The following RNF43 variants were observed in gnomAD, a reference collection of about 807,000 sequenced individuals.
RNF43 encodes the protein ring finger protein 43.
A neutral mutation model predicts 78.4 loss-of-function variants in RNF43; 37 were observed. The observed-to-expected ratio is 0.47, with a 90% confidence interval of 0.36 to 0.62. RNF43 has a LOEUF of 0.62. Among genes scored for constraint, RNF43 ranks in the 20% least tolerant of loss-of-function variants. The probability of loss-of-function intolerance (pLI) is 0.00; values close to 1 mark genes in which losing one functional copy is unlikely to be tolerated. For missense variants in RNF43, 774 were observed against 1,007.9 expected, an observed-to-expected ratio of 0.77 and a Z score of 3.14; for synonymous variants, 347 against 395.0, an observed-to-expected ratio of 0.88 and a Z score of 1.44.
intron 2 of RNF43, chr17:58,402,601 G>A (rs1338243412): frequency 6.6e-6 from 1 of 152,172 alleles, no homozygotes; most frequent in Non-Finnish European, 1.5e-5. Context: ...ATGCCCCAAA[G>A]TGTAAGAACC....
At chr17:58,414,697 T>G (rs569183559) in intron 2 of RNF43, among the ~76,000 whole-genome samples, 13 of 152,268 alleles carry the variant, frequency 8.5e-5, no homozygotes, top group African/African-American at 2.9e-4. Flanking sequence ...CATGTTAAAT[T>G]TAAATTCCTG....
chr17:58,409,535 G>C (rs1452397284), intron 2 of RNF43, among the ~76,000 whole-genome samples: 3 of 152,150 alleles, frequency 2.0e-5, no homozygotes, highest in Non-Finnish European at 2.9e-5. Flanking sequence ...GCAAAACCAT[G>C]ATCTCCAGGA....
chr17:58,400,115 C>T (rs73993666), intron 2 of RNF43, among the ~76,000 whole-genome samples: 3 of 152,100 alleles, frequency 2.0e-5, no homozygotes, highest in Non-Finnish European at 2.9e-5. Context: ...GTTACCAGTA[C>T]GGAACAGGCA....
At chr17:58,380,837 T>C (rs1407114148) in intron 2 of RNF43, among the ~76,000 whole-genome samples, 2 of 152,184 alleles carry the variant, frequency 1.3e-5, no homozygotes, top group Non-Finnish European at 2.9e-5. Context: ...GCTCAGAGGC[T>C]GTAGGGATTT....
intron 2 of RNF43, among the ~76,000 whole-genome samples, chr17:58,391,321 C>T (rs572133939): frequency 6.6e-6 from 1 of 152,330 alleles, no homozygotes; most frequent in South Asian, 2.1e-4. Flanking sequence ...CCCACCTCTC[C>T]ACCACTACCC....
At chr17:58,386,436 C>CAA (rs1209382667) in intron 2 of RNF43, among the ~76,000 whole-genome samples, 2 of 152,012 alleles carry the variant, frequency 1.3e-5, no homozygotes, top group Middle Eastern at 3.2e-3. Flanking sequence ...AAAAACAAAA[C>CAA]AAAACAAACA....
chr17:58,355,112 A>AG, intron 9 of RNF43, 126 bp from the exon 10 acceptor site: 1 of 870,902 alleles, frequency 1.1e-6, no homozygotes, highest in Non-Finnish European at 1.9e-6. Flanking sequence ...CTGTCTGGAA[A>AG]GGGTGGTTAG....
chr17:58,377,028 A>G (rs1204856077), intron 2 of RNF43, among the ~76,000 whole-genome samples: 1 of 146,392 alleles, frequency 6.8e-6, no homozygotes, highest in Admixed American at 7.0e-5. Flanking sequence ...TCCTGAGTCT[A>G]TTCTCCCTGT....
At chr17:58,372,945 A>G (rs1465407052) in intron 2 of RNF43, among the ~76,000 whole-genome samples, 2 of 152,238 alleles carry the variant, frequency 1.3e-5, no homozygotes, top group African/African-American at 4.8e-5. Context: ...AAGGCAGGAC[A>G]TAAGGCTGGA....
At chr17:58,362,981 A>G (rs1269469109) in intron 5 of RNF43, among the ~76,000 whole-genome samples, 2 of 152,228 alleles carry the variant, frequency 1.3e-5, no homozygotes, top group Non-Finnish European at 2.9e-5. Context: ...AGCCCCAATC[A>G]GGGGTCATGG....
chr17:58,361,127 A>G (rs1427960437), intron 6 of RNF43, among the ~76,000 whole-genome samples, 183 bp from the exon 7 acceptor site: 2 of 152,060 alleles, frequency 1.3e-5, no homozygotes, highest in East Asian at 3.9e-4. Context: ...CTCCCAGTCC[A>G]CCCACCTGCT....
chr17:58,367,517 C>G (rs558225465), intron 3 of RNF43, among the ~76,000 whole-genome samples: 2 of 152,280 alleles, frequency 1.3e-5, no homozygotes, highest in Admixed American at 1.3e-4. Context: ...TCTTTACTAC[C>G]AGGTAGTGGC....
At chr17:58,391,999 C>T (rs749039073) in intron 2 of RNF43, among the ~76,000 whole-genome samples, 1 of 150,396 alleles carries the variant, frequency 6.6e-6, no homozygotes. Flanking sequence ...GGTAGAAAAA[C>T]GACCCTCAAG....
chr17:58,403,787 T>C (rs1452216717), intron 2 of RNF43, among the ~76,000 whole-genome samples: 1 of 152,230 alleles, frequency 6.6e-6, no homozygotes, highest in African/African-American at 2.4e-5. Context: ...CCAGCTGCTC[T>C]GAAATCTTAT....
intron 5 of RNF43, 84 bp from the exon 6 acceptor site, chr17:58,362,732 C>T: frequency 9.5e-7 from 1 of 1,052,502 alleles, no homozygotes; most frequent in Non-Finnish European, 1.4e-6. Context: ...GCCCGGGAGG[C>T]ACATAGCTAA....
chr17:58,412,602 A>G (rs1239151839), intron 2 of RNF43, among the ~76,000 whole-genome samples: 1 of 142,024 alleles, frequency 7.0e-6, no homozygotes, highest in Non-Finnish European at 1.5e-5. Context: ...ATTCTTTTAG[A>G]GGCAATTCTA....
intron 2 of RNF43, among the ~76,000 whole-genome samples, chr17:58,404,596 T>A (rs938932023): frequency 6.6e-6 from 1 of 152,208 alleles, no homozygotes; most frequent in Admixed American, 6.5e-5. Flanking sequence ...GTTCTCTATA[T>A]GCCTCATATC....
chr17:58,354,938 A>T lies in RNF43; in HGVS notation c.*5T>A. On this transcript the variant is annotated 3_prime_UTR_variant, in exon 10 of 10. Transcript: ENST00000407977. The stretch of plus-strand genomic sequence containing the variant: ...CACTCTTGGTTGGAGCTAGGCCTGA[A>T]CATCTCACACAGCCTGTTCACACAG... 6.2e-7 allele frequency: 1 copy of T among 1,614,012 alleles called. No individual in the cohort carries two copies. The highest frequency in any genetic ancestry group is 8.5e-7 in the Non-Finnish European group (1 of 1,179,860).
intron 2 of RNF43, among the ~76,000 whole-genome samples, chr17:58,387,496 C>T (rs760486646): frequency 5.9e-5 from 9 of 151,832 alleles, no homozygotes; most frequent in Admixed American, 5.2e-4. Context: ...ACTAAAAATA[C>T]AAAAATTAGC....
Sources: allele counts gnomAD v4.1 joint callset (sites outside exome capture counted in the v4.1 genomes callset), GRCh38; gene constraint gnomAD v4.1.1; transcripts MANE v1.5; gene names NCBI Gene and HGNC (gene_info 2026-07-23, HGNC 2026-07-21).